The following COBL variants were observed in gnomAD, a reference collection of about 807,000 sequenced individuals.
COBL encodes cordon-bleu WH2 repeat protein, also known as protein cordon-bleu.
In COBL, 51 loss-of-function variants were observed where a neutral mutation model predicts 98.8. That is an observed-to-expected ratio of 0.52 (90% CI 0.41 to 0.65). The LOEUF (loss-of-function observed/expected upper bound fraction) is 0.65. Among genes scored for constraint, COBL ranks in the 30% least tolerant of loss-of-function variants. The probability of loss-of-function intolerance (pLI) is 0.00; values close to 1 mark genes in which losing one functional copy is unlikely to be tolerated. For synonymous variants in COBL, 634 were observed against 651.7 expected (o/e 0.97, Z 0.41); for missense variants, 1,617 against 1,617.5 (o/e 1.00, Z 0.01).
chr7:51,308,089 C>T lies in COBL; in HGVS notation c.41+8504G>A, dbSNP rs550491157. Among the ~76,000 whole-genome samples the T allele has an allele frequency of 7.2e-5, 11 of 152,318 alleles. No homozygotes were observed. The South Asian group carries it at 2.3e-3, about 32-fold the overall frequency. On this transcript the variant is annotated intron_variant, in intron 1 of 12. Transcript: ENST00000265136. ...GGCGGACGGGAAAGCCTGGCAAGGA[C>T]CTGCCCTGCATGGCAAATGTTTAGA...
chr7:51,303,134 C>T (rs577589878), intron 1 of COBL, among the ~76,000 whole-genome samples: 4 of 152,318 alleles, frequency 2.6e-5, no homozygotes, highest in African/African-American at 7.2e-5. Context: ...AAAGTTAACA[C>T]AATAGATCAT....
chr7:51,229,046 CTTGCCTGGAGTGGGTTTGCT>C (rs1236429342), intron 1 of COBL, among the ~76,000 whole-genome samples: 2 of 152,226 alleles, frequency 1.3e-5, no homozygotes, highest in Non-Finnish European at 2.9e-5. Flanking sequence ...GTCCCCTGCC[CTTGCCTGGAGTGGGTTTGCT>C]TTGCCCCCTA....
At chr7:51,227,223 A>G (rs1305564573) in intron 1 of COBL, among the ~76,000 whole-genome samples, 2 of 152,152 alleles carry the variant, frequency 1.3e-5, no homozygotes, top group African/African-American at 4.8e-5. Flanking sequence ...GGTCTGGACA[A>G]GCCTTATTTG....
At chr7:51,302,901 C>T (rs543853328) in intron 1 of COBL, among the ~76,000 whole-genome samples, 34 of 152,240 alleles carry the variant, frequency 2.2e-4, no homozygotes, top group Admixed American at 4.6e-4. Context: ...CGCCTCACCC[C>T]TCACCCCCAA....
intron 1 of COBL, among the ~76,000 whole-genome samples, chr7:51,260,413 G>C (rs1025750129): frequency 6.6e-6 from 1 of 152,162 alleles, no homozygotes; most frequent in Admixed American, 6.5e-5. Context: ...ATCTTCCATG[G>C]GTCAGTATCT....
chr7:51,195,366 T>C (rs1035498639), intron 2 of COBL, among the ~76,000 whole-genome samples: 9 of 152,224 alleles, frequency 5.9e-5, no homozygotes, highest in African/African-American at 2.2e-4. Context: ...TTCTGTTCCA[T>C]TGCCCTATGT....
intron 9 of COBL, among the ~76,000 whole-genome samples, chr7:51,030,070 C>T (rs1005996552): frequency 3.9e-5 from 6 of 152,160 alleles, no homozygotes; most frequent in Non-Finnish European, 7.3e-5. Flanking sequence ...CCAAATTATG[C>T]AATGGTCATG....
chr7:51,070,221 A>G (rs1220948445), intron 7 of COBL, among the ~76,000 whole-genome samples: 1 of 152,168 alleles, frequency 6.6e-6, no homozygotes, highest in Non-Finnish European at 1.5e-5. Context: ...AACCAAAAAT[A>G]TACAGATAAC....
At chr7:51,155,264 A>G (rs12534536) in intron 5 of COBL, among the ~76,000 whole-genome samples, 1 of 152,154 alleles carries the variant, frequency 6.6e-6, no homozygotes, top group Admixed American at 6.5e-5. Context: ...AATATTTAGG[A>G]CAATAAAGAG....
chr7:51,307,134 C>G (rs2129211679), intron 1 of COBL, among the ~76,000 whole-genome samples: 1 of 152,180 alleles, frequency 6.6e-6, no homozygotes, highest in South Asian at 2.1e-4. Flanking sequence ...CACTTGAAGT[C>G]AGGAGTTCAA....
At chr7:51,096,519 G>T (rs1327586080) in intron 6 of COBL, among the ~76,000 whole-genome samples, 5 of 151,696 alleles carry the variant, frequency 3.3e-5, no homozygotes, top group African/African-American at 9.7e-5. Context: ...AAATGAAATA[G>T]AAAATAGAAA....
chr7:51,039,633 A>G (rs1456231531), intron 8 of COBL, among the ~76,000 whole-genome samples: 1 of 152,272 alleles, frequency 6.6e-6, no homozygotes. Context: ...GCAATATAGC[A>G]CAGGGAATAC....
intron 12 of COBL, among the ~76,000 whole-genome samples, chr7:51,023,891 C>A (rs552378742): frequency 6.6e-6 from 1 of 152,300 alleles, no homozygotes; most frequent in South Asian, 2.1e-4. Context: ...CCTGTGTGAC[C>A]AAGCCAAGCG....
Position 51,311,538 on chromosome 7 carries a change from G to A in COBL, c.41+5055C>T, listed in dbSNP as rs541385941. On this transcript the variant is annotated intron_variant, in intron 1 of 12. Transcript: ENST00000265136. Reference sequence around the variant, plus strand: ...CTAGAATCATATAAAGTATACAAGAGGAAAAAAGTTTTAATTCTATTCCAG... The same window carrying A: ...CTAGAATCATATAAAGTATACAAGAAGAAAAAAGTTTTAATTCTATTCCAG... 9.2e-5 allele frequency among the ~76,000 whole-genome samples: 14 copies of A among 152,192 alleles called. 1 individual carries two copies. In the South Asian group the frequency reaches 2.7e-3, roughly 29 times the overall value.
intron 2 of COBL, among the ~76,000 whole-genome samples, chr7:51,204,787 G>C (rs1791511011): frequency 2.0e-5 from 3 of 151,956 alleles, no homozygotes; most frequent in Admixed American, 2.0e-4. Context: ...TTGACCTCGT[G>C]ATCCATCCGC....
At chr7:51,211,123 G>A (rs1354912015) in intron 2 of COBL, among the ~76,000 whole-genome samples, 1 of 152,220 alleles carries the variant, frequency 6.6e-6, no homozygotes, top group East Asian at 1.9e-4. Context: ...TGGGCCATGG[G>A]CAAGTGGAAG....
intron 1 of COBL, among the ~76,000 whole-genome samples, chr7:51,305,213 G>T (rs1352805551): frequency 6.6e-6 from 1 of 152,146 alleles, no homozygotes; most frequent in Admixed American, 6.5e-5. Flanking sequence ...AGTAAAAAAT[G>T]TTACACAAAT....
At chr7:51,159,661 T>C (rs947690140) in intron 5 of COBL, among the ~76,000 whole-genome samples, 1 of 152,202 alleles carries the variant, frequency 6.6e-6, no homozygotes, top group African/African-American at 2.4e-5. Context: ...CTTACAAACA[T>C]CACATTTTCA....
At position 51,028,712 on chromosome 7, in the gene COBL, G is replaced by A. The variant is rs1348810405; in HGVS notation, c.2384C>T (p.Pro795Leu). ...TGGATTCTGCGTCTGCGTGGGCACA[G>A]GGGTGGAGGGGGGTCCCCTGGCAGA... ...ESSARGPPST[P>L]VPTQTQNPES... Residue 795 changes from proline (P) to leucine (L), a missense_variant, in exon 10 of 13, where the codon CCT becomes CTT. Around this residue, in one of 3 missense-constraint regions of COBL, gnomAD observed 1,304 missense variants for 1,282.0 expected, o/e 1.02. Transcript: ENST00000265136. The A allele has an allele frequency of 6.2e-7, 1 of 1,614,002 alleles. No individual in the cohort carries two copies. The highest frequency in any genetic ancestry group is 1.1e-5 in the South Asian group (1 of 91,054).
Sources: gnomAD v4.1 joint callset for allele counts (sites outside exome capture counted in the v4.1 genomes callset) on GRCh38, gnomAD v4.1.1 for gene constraint, gnomAD v4.1.1 regional missense constraint, MANE v1.5 for transcripts, NCBI Gene and HGNC (gene_info 2026-07-23, HGNC 2026-07-21) for gene names.